Variants in INTS6L observed in about 807,000 individuals in gnomAD.
INTS6L encodes the protein integrator complex subunit 6 like.
Under a neutral mutation model 64.7 loss-of-function variants are expected in INTS6L, and 18 were observed. That is an observed-to-expected ratio of 0.28 (90% CI 0.19 to 0.41). The LOEUF (loss-of-function observed/expected upper bound fraction) is 0.41, where lower values mean the gene tolerates loss of function less well. INTS6L is among the 10% of genes least tolerant of loss of function. The pLI, the probability that INTS6L is intolerant of heterozygous loss-of-function variation, is 1.00. For missense variants in INTS6L, 533 were observed against 661.0 expected (o/e 0.81, Z 2.12); for synonymous variants, 227 against 235.9 (o/e 0.96, Z 0.34).
In INTS6L at chrX:135,531,131, T is replaced by G. The variant is rs144141774; in HGVS notation, c.189+9813T>G. 4.4e-3 allele frequency among the ~76,000 whole-genome samples: 499 copies of G among 112,369 alleles called. 7 individuals are homozygous for G. The highest frequency in any genetic ancestry group is 0.015 in the African/African-American group (477 of 30,946). The stretch of plus-strand genomic sequence containing the variant: ...ATATGATTTATTAAGGTCTTAAGAT[T>G]TACTGTCGAGCTACTTGGGCAAAGT... On this transcript the variant is annotated intron_variant, in intron 2 of 17. Coordinates refer to ENST00000639893, the MANE Select transcript of INTS6L (RefSeq NM_001351601.3).
chrX:135,539,806 A>G (rs2086156555), intron 2 of INTS6L, among the ~76,000 whole-genome samples: 1 of 111,519 alleles, frequency 9.0e-6, no homozygotes, highest in Non-Finnish European at 1.9e-5. Context: ...GAGGAGAGGG[A>G]GAGAGATAGG....
At chrX:135,524,410 A>G (rs921471338) in intron 2 of INTS6L, among the ~76,000 whole-genome samples, 3 of 110,388 alleles carry the variant, frequency 2.7e-5, no homozygotes, top group Non-Finnish European at 5.7e-5. Flanking sequence ...GATGTTGGCT[A>G]GGATTTTATT....
chrX:135,530,333 G>A (rs1556503989), intron 2 of INTS6L, among the ~76,000 whole-genome samples: 1 of 111,701 alleles, frequency 9.0e-6, no homozygotes, highest in African/African-American at 3.3e-5. Context: ...GAGTTGTTGA[G>A]ACTCTCAGTT....
chrX:135,556,583 T>C (rs370646734), intron 9 of INTS6L, among the ~76,000 whole-genome samples: 1 of 111,927 alleles, frequency 8.9e-6, no homozygotes, highest in East Asian at 2.8e-4. Flanking sequence ...TTGGCTTTTT[T>C]GTATAGTTTG....
chrX:135,553,383 G>A (rs1416361500), intron 8 of INTS6L, among the ~76,000 whole-genome samples: 2 of 108,782 alleles, frequency 1.8e-5, no homozygotes, highest in Admixed American at 9.9e-5. Flanking sequence ...CTGTAGCCTC[G>A]ACCTCCTTGG....
chrX:135,581,637 T>C lies in INTS6L; in HGVS notation c.*1T>C. ...CATCAACAGCAGATCATCATGTTAG[T>C]GCAAAGACCAGTGAGAAAAAAATGA... On this transcript the variant is annotated 3_prime_UTR_variant, in exon 18 of 18. Transcript: ENST00000639893. The C allele has an allele frequency of 8.4e-7, 1 of 1,194,473 alleles. No individual in the cohort carries two copies. The highest frequency in any genetic ancestry group is 1.1e-6 in the Non-Finnish European group (1 of 881,097).
At chrX:135,579,516 CACTA>C (rs2087317324) in intron 15 of INTS6L, among the ~76,000 whole-genome samples, 1 of 111,824 alleles carries the variant, frequency 8.9e-6, no homozygotes, top group South Asian at 3.7e-4. Context: ...AACAAGCTGA[CACTA>C]ACGCATGAGT....
At chrX:135,544,376 T>C (rs2086301780) in intron 2 of INTS6L, among the ~76,000 whole-genome samples, 1 of 112,191 alleles carries the variant, frequency 8.9e-6, no homozygotes, top group Admixed American at 9.4e-5. Context: ...TGTAGTTGCA[T>C]GGATAATGGA....
Position 135,581,919 on chromosome X carries a change from G to T in INTS6L, c.*283G>T. 1 of 228,416 alleles carries T rather than the reference G, an allele frequency of 4.4e-6. No homozygotes were observed. Among genetic ancestry groups the T allele is most frequent in the Admixed American group, 7.4e-5 (1 of 13,535 alleles). The allele number at this position is 228,416 out of a possible 1,213,427, so 18.8% of individuals were successfully genotyped here. A position where few individuals can be genotyped will look rare whatever the true frequency, so the allele number is the denominator to read the frequency against. On this transcript the variant is annotated 3_prime_UTR_variant, in exon 18 of 18. Transcript: ENST00000639893. ...CGGTAAACACCACTGCCCCTACCAC[G>T]GGTAATGAGAGGTCACTCACTTGAA...
At chrX:135,522,676 G>T (rs1458292013) in intron 2 of INTS6L, among the ~76,000 whole-genome samples, 1 of 111,882 alleles carries the variant, frequency 8.9e-6, no homozygotes, top group Admixed American at 9.4e-5. Flanking sequence ...CTACCAAGCT[G>T]AATAGTTGGC....
intron 2 of INTS6L, among the ~76,000 whole-genome samples, chrX:135,543,076 G>T (rs1473109312): frequency 9.0e-6 from 1 of 110,851 alleles, no homozygotes; most frequent in African/African-American, 3.3e-5. Context: ...CACTTTTCTC[G>T]TAAGCTCTTT....
intron 2 of INTS6L, 124 bp downstream of exon 2, chrX:135,521,442 C>A: frequency 2.9e-6 from 2 of 686,200 alleles, no homozygotes; most frequent in Non-Finnish European, 4.2e-6. Context: ...CGAGGGGGTG[C>A]GCAGAGGGCG....
intron 2 of INTS6L, among the ~76,000 whole-genome samples, chrX:135,538,593 A>G (rs1019661791): frequency 6.2e-5 from 7 of 112,627 alleles, no homozygotes; most frequent in African/African-American, 1.9e-4. Context: ...AATGTCGTCT[A>G]GAATGTTGAA....
rs2086364756 is a variant in INTS6L, at chrX:135,546,686, A to G, written c.430-16A>G. ...GGTTTGTTATGATGAACCTTTTCACATTTTTGCCTTATCAGCTCCATCTTC... is the reference window on the plus strand; with the variant it reads ...GGTTTGTTATGATGAACCTTTTCACGTTTTTGCCTTATCAGCTCCATCTTC... On this transcript the variant is annotated splice_polypyrimidine_tract_variant and intron_variant, in intron 4 of 17. Coordinates refer to ENST00000639893, the MANE Select transcript of INTS6L (RefSeq NM_001351601.3). The G allele has an allele frequency of 8.4e-7, 1 of 1,196,376 alleles. No individual in the cohort carries two copies. The highest frequency in any genetic ancestry group is 1.8e-5 in the South Asian group (1 of 54,370).
intron 9 of INTS6L, among the ~76,000 whole-genome samples, chrX:135,560,339 A>G (rs924059845): frequency 3.6e-5 from 4 of 111,945 alleles, no homozygotes; most frequent in Non-Finnish European, 7.5e-5. Flanking sequence ...AACATAGACA[A>G]TTATGTCATC....
intron 9 of INTS6L, among the ~76,000 whole-genome samples, chrX:135,557,709 G>T (rs1469523292): frequency 8.9e-6 from 1 of 111,863 alleles, no homozygotes; most frequent in Non-Finnish European, 1.9e-5. Flanking sequence ...TGAGATAATT[G>T]CAGATTCACA....
At chrX:135,559,800 T>C (rs2086735422) in intron 9 of INTS6L, among the ~76,000 whole-genome samples, 1 of 112,527 alleles carries the variant, frequency 8.9e-6, no homozygotes, top group South Asian at 3.6e-4. Context: ...TCATCAGCCA[T>C]TGGTGTTGTC....
chrX:135,576,197 G>A (rs1223261630), intron 14 of INTS6L, among the ~76,000 whole-genome samples: 2 of 109,843 alleles, frequency 1.8e-5, no homozygotes, highest in Non-Finnish European at 3.8e-5. Flanking sequence ...CGTGGTGGTG[G>A]GTGCCTGTAA....
chrX:135,567,885 G>A (rs781867050), intron 9 of INTS6L, among the ~76,000 whole-genome samples: 6 of 112,166 alleles, frequency 5.3e-5, no homozygotes, highest in African/African-American at 1.9e-4. Flanking sequence ...TATTATAGCT[G>A]TAAAAGGAAG....
Sources: gnomAD v4.1 joint callset for allele counts (sites outside exome capture counted in the v4.1 genomes callset) on GRCh38, gnomAD v4.1.1 for gene constraint, MANE v1.5 for transcripts, NCBI Gene and HGNC (gene_info 2026-07-23, HGNC 2026-07-21) for gene names.